CLASP2: variants seen among roughly 807,000 people sequenced by gnomAD.
CLASP2 encodes CLIP-associating protein 2.
Under a neutral mutation model 194.4 loss-of-function variants are expected in CLASP2, and 47 were observed. The observed-to-expected ratio is 0.24, with a 90% confidence interval of 0.19 to 0.31. The LOEUF (loss-of-function observed/expected upper bound fraction) is 0.31, where lower values mean the gene tolerates loss of function less well. Among genes scored for constraint, CLASP2 ranks in the 10% least tolerant of loss-of-function variants. CLASP2 has a pLI of 1.00. For missense variants in CLASP2, 1,445 were observed against 1,823.6 expected, an observed-to-expected ratio of 0.79 and a Z score of 3.78; for synonymous variants, 619 against 633.5, an observed-to-expected ratio of 0.98 and a Z score of 0.34.
intron 35 of CLASP2, 57 bp from the exon 36 acceptor site, chr3:33,516,208 T>C (rs2051263682): frequency 4.0e-6 from 6 of 1,498,496 alleles, no homozygotes; most frequent in African/African-American, 2.8e-5. Flanking sequence ...ATCTTTAACA[T>C]TTTCAATTTT....
At chr3:33,546,593 G>T (rs1205387501) in intron 30 of CLASP2, among the ~76,000 whole-genome samples, 1 of 152,096 alleles carries the variant, frequency 6.6e-6, no homozygotes, top group East Asian at 1.9e-4. Context: ...TGTAATGCTT[G>T]TTTTTACTGA....
At chr3:33,715,845 AGT>A (rs1491148497) in intron 1 of CLASP2, among the ~76,000 whole-genome samples, 2 of 99,052 alleles carry the variant, frequency 2.0e-5, no homozygotes, top group African/African-American at 7.9e-5. Flanking sequence ...TTGTATCTTA[AGT>A]AAAAAAAAAA....
chr3:33,632,221 G>T, intron 9 of CLASP2, 71 bp downstream of exon 9: 2 of 931,508 alleles, frequency 2.1e-6, no homozygotes, highest in Non-Finnish European at 3.1e-6. Flanking sequence ...TCTTAAAAAG[G>T]GACAGAGACA....
chr3:33,505,734 T>C (rs767367909), intron 37 of CLASP2, among the ~76,000 whole-genome samples: 41 of 152,248 alleles, frequency 2.7e-4, no homozygotes, highest in Admixed American at 5.2e-4. Context: ...CTAGACATTA[T>C]GTGTCATTCA....
chr3:33,702,922 A>T (rs2092468520), intron 1 of CLASP2, among the ~76,000 whole-genome samples: 1 of 152,210 alleles, frequency 6.6e-6, no homozygotes, highest in African/African-American at 2.4e-5. Context: ...CACATGCAAA[A>T]CATTAATCTA....
intron 32 of CLASP2, among the ~76,000 whole-genome samples, chr3:33,542,302 C>T (rs1035596897): frequency 4.7e-5 from 7 of 148,694 alleles, no homozygotes; most frequent in South Asian, 4.2e-4. Context: ...TCACTATTTA[C>T]TTATTATATA....
chr3:33,605,411 T>A (rs1017993731), intron 16 of CLASP2, among the ~76,000 whole-genome samples: 1 of 152,178 alleles, frequency 6.6e-6, no homozygotes, highest in African/African-American at 2.4e-5. Flanking sequence ...CTACAACAAT[T>A]ATTTTTGAAA....
intron 27 of CLASP2, among the ~76,000 whole-genome samples, chr3:33,565,994 C>G (rs1182228460): frequency 1.3e-5 from 2 of 152,142 alleles, no homozygotes; most frequent in Admixed American, 1.3e-4. Context: ...CTAACCTCCT[C>G]ATTGTTCAAG....
At chr3:33,508,982 T>C (rs2049036525) in intron 37 of CLASP2, among the ~76,000 whole-genome samples, 1 of 152,214 alleles carries the variant, frequency 6.6e-6, no homozygotes. Flanking sequence ...TCAGTCATTT[T>C]CCCAAAGACA....
At chr3:33,519,573 G>A (rs535127589) in intron 34 of CLASP2, among the ~76,000 whole-genome samples, 3 of 152,148 alleles carry the variant, frequency 2.0e-5, no homozygotes, top group African/African-American at 7.2e-5. Context: ...AAAGAATAAT[G>A]TTAACAATGT....
At chr3:33,530,311 C>CA (rs888022354) in intron 34 of CLASP2, among the ~76,000 whole-genome samples, 22 of 150,682 alleles carry the variant, frequency 1.5e-4, no homozygotes, top group African/African-American at 2.0e-4. Context: ...CCTAACTTTA[C>CA]AAAAAAAAAT....
At chr3:33,609,312 A>G (rs1577143150) in intron 13 of CLASP2, among the ~76,000 whole-genome samples, 1 of 152,300 alleles carries the variant, frequency 6.6e-6, no homozygotes, top group East Asian at 1.9e-4. Flanking sequence ...AACAAGTTTC[A>G]TTTATTAATT....
At chr3:33,547,605 C>T (rs983745786) in intron 30 of CLASP2, among the ~76,000 whole-genome samples, 10 of 152,040 alleles carry the variant, frequency 6.6e-5, no homozygotes, top group African/African-American at 1.2e-4. Context: ...TTTTGATGTG[C>T]GATGTCTCTG....
chr3:33,507,274 A>AGC (rs1386023199), intron 37 of CLASP2, among the ~76,000 whole-genome samples: 2 of 152,056 alleles, frequency 1.3e-5, no homozygotes, highest in African/African-American at 4.8e-5. Context: ...AACAGTTGAT[A>AGC]ACCTCCTCTT....
chr3:33,597,162 G>A (rs937233376), intron 18 of CLASP2, among the ~76,000 whole-genome samples: 6 of 151,986 alleles, frequency 3.9e-5, no homozygotes, highest in Admixed American at 2.6e-4. Context: ...TTACCACCTC[G>A]TTGCTTCCCC....
At chr3:33,590,519 C>T (rs2068515352) in intron 21 of CLASP2, among the ~76,000 whole-genome samples, 1 of 152,042 alleles carries the variant, frequency 6.6e-6, no homozygotes, top group African/African-American at 2.4e-5. Flanking sequence ...TGATATACTG[C>T]TAAAGATTAA....
At chr3:33,609,393 A>C (rs1172224798) in intron 13 of CLASP2, among the ~76,000 whole-genome samples, 2 of 152,216 alleles carry the variant, frequency 1.3e-5, no homozygotes, top group African/African-American at 4.8e-5. Context: ...AAGCCACAAC[A>C]ATCTGGATCT....
intron 34 of CLASP2, among the ~76,000 whole-genome samples, chr3:33,521,677 T>C (rs1385388589): frequency 6.6e-6 from 1 of 152,166 alleles, no homozygotes; most frequent in East Asian, 1.9e-4. Context: ...AGCTGTAAGA[T>C]ATTATTGAGA....
Position 33,634,956 on chromosome 3 carries a change from T to C in CLASP2, c.863-2585A>G, listed in dbSNP as rs573761544. ...GAAAATAATAATTTTTAATGTAATA[T>C]TAAAGCACTGAAATAAATGGAGAGC... On this transcript the variant is annotated intron_variant, in intron 8 of 38. Coordinates refer to ENST00000682230, the MANE Select transcript of CLASP2 (RefSeq NM_001365631.1). Among the ~76,000 whole-genome samples, 110 of 152,192 alleles carry C rather than the reference T, an allele frequency of 7.2e-4. 1 individual carries two copies. The highest frequency in any genetic ancestry group is 2.3e-3 in the African/African-American group (96 of 41,536).
Sources: gnomAD v4.1 joint callset for allele counts (sites outside exome capture counted in the v4.1 genomes callset) on GRCh38, gnomAD v4.1.1 for gene constraint, MANE v1.5 for transcripts, NCBI Gene and HGNC (gene_info 2026-07-23, HGNC 2026-07-21) for gene names.